The following RALGDS variants were observed in gnomAD, a reference collection of about 807,000 sequenced individuals.
RALGDS encodes the protein ral guanine nucleotide dissociation stimulator.
In RALGDS, 44 loss-of-function variants were observed where a neutral mutation model predicts 99.8. The observed-to-expected ratio is 0.44, with a 90% CI of 0.35 to 0.57. The LOEUF (loss-of-function observed/expected upper bound fraction) is 0.57. Ranked by LOEUF, RALGDS falls within the 20% of genes least tolerant of loss-of-function variation. RALGDS has a pLI of 0.01. For missense variants in RALGDS, 1,022 were observed against 1,203.1 expected, an observed-to-expected ratio of 0.85 and a Z score of 2.23; for synonymous variants, 529 against 505.0, an observed-to-expected ratio of 1.05 and a Z score of -0.64.
chr9:133,143,614 G>C (rs1832561311), intron 1 of RALGDS, among the ~76,000 whole-genome samples: 1 of 151,840 alleles, frequency 6.6e-6, no homozygotes. Flanking sequence ...AAATTAGCTG[G>C]GAGTGTTGGC....
upstream of RALGDS, among the ~76,000 whole-genome samples, chr9:133,121,746 A>T (rs1227856943): frequency 6.6e-6 from 1 of 152,186 alleles, no homozygotes; most frequent in African/African-American, 2.4e-5. Context: ...TTCCTCAAAC[A>T]GTTGCGGGGA....
At chr9:133,131,045 G>A in exon 1 of RALGDS, 2 of 1,531,476 alleles carry the variant, frequency 1.3e-6, no homozygotes, top group African/African-American at 2.7e-5. Context: ...GGGAGGAGAG[G>A]GTGTGGGCAG....
At chr9:133,141,943 G>T (rs913144270) in intron 1 of RALGDS, among the ~76,000 whole-genome samples, 1 of 152,202 alleles carries the variant, frequency 6.6e-6, no homozygotes, top group Non-Finnish European at 1.5e-5. Context: ...AGGCCAGGGA[G>T]CCCACGGCTG....
At chr9:133,102,406 G>T in intron 14 of RALGDS, 70 bp downstream of exon 14, 2 of 1,519,040 alleles carry the variant, frequency 1.3e-6, no homozygotes. Flanking sequence ...GACTCCCTGA[G>T]CCCAGGCTCA....
In RALGDS at chr9:133,101,973, A is replaced by G; in HGVS notation, c.2176T>C (p.Phe726Leu). ...TGGCCATCAGGAGACTCCGGGACGA[A>G]GCTGATGTTGATCTCCTCCACGTCG... ...SSDVEEINISFVPESPDGQEK... is the reference protein window; with the variant it reads ...SSDVEEINISLVPESPDGQEK... Residue 726 changes from phenylalanine to leucine, a missense_variant, in exon 15 of 18, where the codon TTC becomes CTC. Coordinates refer to ENST00000372050, the MANE Select transcript of RALGDS (RefSeq NM_006266.4). 6.4e-7 allele frequency: 1 copy of G among 1,551,616 alleles called. No individual in the cohort carries two copies. The highest frequency in any genetic ancestry group is 8.7e-7 in the Non-Finnish European group (1 of 1,147,208).
chr9:133,102,565 G>A lies in RALGDS; in HGVS notation c.1920C>T (p.Asn640=), dbSNP rs753298695. ...VERLSETESY[N]LSCELEPPSE... ...ATGGGGGCTCCAGCTCGCACGACAGGTTGTAGCTATGAGCAGAGGGGCAGT... is the reference window on the plus strand; with the variant it reads ...ATGGGGGCTCCAGCTCGCACGACAGATTGTAGCTATGAGCAGAGGGGCAGT... The change falls in exon 14 of 18, where the codon AAC becomes AAT. Residue 640 remains asparagine, a synonymous_variant. Transcript: ENST00000372050. 114 of 1,613,880 alleles carry A rather than the reference G, an allele frequency of 7.1e-5. No individual in the cohort carries two copies. Among genetic ancestry groups the A allele is most frequent in the Non-Finnish European group, 9.5e-5 (112 of 1,180,000 alleles).
At chr9:133,136,323 G>T (rs1832425455) in intron 1 of RALGDS, among the ~76,000 whole-genome samples, 2 of 152,242 alleles carry the variant, frequency 1.3e-5, no homozygotes, top group African/African-American at 4.8e-5. Context: ...CGCGGGTATG[G>T]ATGGAAGGAG....
At chr9:133,123,659 T>G (rs562042527), upstream of RALGDS, among the ~76,000 whole-genome samples, 47 of 152,344 alleles carry the variant, frequency 3.1e-4, no homozygotes, top group African/African-American at 1.1e-3. Flanking sequence ...GCCTGATCAC[T>G]GCTCTGGCTG....
At chr9:133,100,210 G>T (rs1447208342) in intron 17 of RALGDS, 58 bp downstream of exon 17, 2 of 1,479,322 alleles carry the variant, frequency 1.4e-6, no homozygotes, top group Non-Finnish European at 1.9e-6. Flanking sequence ...CCAACCTGGG[G>T]CTGGGGAGTG....
At chr9:133,142,861 G>C (rs1490719962) in intron 1 of RALGDS, among the ~76,000 whole-genome samples, 2 of 152,236 alleles carry the variant, frequency 1.3e-5, no homozygotes, top group Admixed American at 1.3e-4. Flanking sequence ...CCGTTGGAAG[G>C]CCACTGTAAT....
Position 133,101,664 on chromosome 9 carries a change from A to C in RALGDS, c.2310T>G (p.Ala770=). 1 of 1,613,872 alleles carries C rather than the reference A, an allele frequency of 6.2e-7. No individual in the cohort carries two copies. The highest frequency in any genetic ancestry group is 8.5e-7 in the Non-Finnish European group (1 of 1,179,990). Residue 770 remains alanine (A), a synonymous_variant, in exon 16 of 18, where the codon GCT becomes GCG. Coordinates refer to ENST00000372050, the MANE Select transcript of RALGDS (RefSeq NM_006266.4). ...SSSSASTTPV[A]ATRTHKRSVS... is the part of the protein sequence containing the mutation. ...CAGAGCGCTTGTGGGTGCGTGTGGCAGCCACGGGCGTGGTGGAGGCTGAGG... is the reference window on the plus strand; with the variant it reads ...CAGAGCGCTTGTGGGTGCGTGTGGCCGCCACGGGCGTGGTGGAGGCTGAGG...
intron 3 of RALGDS, among the ~76,000 whole-genome samples, chr9:133,110,036 G>A (rs1470907843): frequency 2.6e-5 from 4 of 152,162 alleles, no homozygotes; most frequent in African/African-American, 4.8e-5. Flanking sequence ...CCCCATGGGG[G>A]ACAGGAAAAT....
At chr9:133,117,979 C>T (rs1309664482) in intron 1 of RALGDS, among the ~76,000 whole-genome samples, 1 of 152,236 alleles carries the variant, frequency 6.6e-6, no homozygotes, top group East Asian at 1.9e-4. Context: ...TGGCAACGAG[C>T]AGCTTGATAT....
chr9:133,128,045 ACAAACGTGATAAATG>A lies in RALGDS; in HGVS notation c.132+2892_132+2906del, dbSNP rs540500959. On this transcript the variant is annotated intron_variant, in intron 1 of 17. Coordinates refer to the RALGDS transcript ENST00000372062. The stretch of plus-strand genomic sequence containing the variant: ...TATTGAGGGGGAGGCACGCAGAGGA[ACAAACGTGATAAATG>A]CATCCATGGGCTGCAAATCGGGGGC... Among the ~76,000 whole-genome samples the A allele has an allele frequency of 3.8e-3, 580 of 152,304 alleles. 4 individuals carry two copies. The highest frequency in any genetic ancestry group is 0.014 in the Middle Eastern group (4 of 294).
intron 16 of RALGDS, 192 bp downstream of exon 16, chr9:133,101,328 C>G: frequency 6.9e-7 from 1 of 1,447,702 alleles, no homozygotes; most frequent in Non-Finnish European, 9.5e-7. Context: ...CACGGCTGCT[C>G]CTTTCCTCCC....
chr9:133,148,309 C>T (rs1255062935), intron 1 of RALGDS, among the ~76,000 whole-genome samples: 2 of 152,232 alleles, frequency 1.3e-5, no homozygotes, highest in Non-Finnish European at 2.9e-5. Context: ...GAACACAGAA[C>T]CCCACAATCT....
chr9:133,100,603 G>A (rs1588506917), intron 16 of RALGDS: 1 of 1,427,982 alleles, frequency 7.0e-7, no homozygotes, highest in South Asian at 1.5e-5. Flanking sequence ...ATGGAATGAG[G>A]AGGGGTCTGT....
chr9:133,101,135 A>C, intron 16 of RALGDS: 9 of 1,146,540 alleles, frequency 7.8e-6, no homozygotes, highest in East Asian at 6.1e-5. Flanking sequence ...CCTCCTAACC[A>C]ACACCCCTGC....
chr9:133,104,242 C>A, intron 10 of RALGDS, 21 bp downstream of exon 10: 4 of 1,605,900 alleles, frequency 2.5e-6, no homozygotes, highest in Non-Finnish European at 3.4e-6. Flanking sequence ...CCTGCCCCTC[C>A]GCGGCCTTGG....
Sources: allele counts gnomAD v4.1 joint callset (sites outside exome capture counted in the v4.1 genomes callset), GRCh38; gene constraint gnomAD v4.1.1; transcripts MANE v1.5; gene names NCBI Gene and HGNC (gene_info 2026-07-23, HGNC 2026-07-21).